GLIS1: variants seen among roughly 807,000 people sequenced by gnomAD.
GLIS1 encodes GLIS family zinc finger 1.
GLIS1 carries 24 observed loss-of-function variants against 63.8 expected under a neutral mutation model. The ratio of observed to expected loss-of-function variants is 0.38; its 90% CI spans 0.27 to 0.53. The LOEUF (loss-of-function observed/expected upper bound fraction) is 0.53, where lower values mean the gene tolerates loss of function less well. Ranked by LOEUF, GLIS1 falls within the 20% of genes least tolerant of loss-of-function variation. GLIS1 has a pLI of 0.85. For synonymous variants in GLIS1, 450 were observed against 482.5 expected (o/e 0.93, Z 0.88); for missense variants, 1,036 against 1,074.1 (o/e 0.96, Z 0.50).
At chr1:53,561,587 G>A (rs551506732) in intron 4 of GLIS1, among the ~76,000 whole-genome samples, 223 of 152,330 alleles carry the variant, frequency 1.5e-3, no homozygotes, top group Middle Eastern at 3.4e-3. Context: ...GGTTCCCAAG[G>A]TAAACAGCTG....
intron 4 of GLIS1, among the ~76,000 whole-genome samples, chr1:53,531,367 C>T (rs1022554335): frequency 3.3e-5 from 5 of 152,216 alleles, no homozygotes; most frequent in African/African-American, 4.8e-5. Context: ...CGAGGACTGG[C>T]GCTCCCAAAG....
At chr1:53,619,210 A>G (rs1645515541) in intron 2 of GLIS1, among the ~76,000 whole-genome samples, 1 of 152,086 alleles carries the variant, frequency 6.6e-6, no homozygotes, top group Non-Finnish European at 1.5e-5. Flanking sequence ...CAAAGAGAAC[A>G]CCCATCCACC....
intron 2 of GLIS1, among the ~76,000 whole-genome samples, chr1:53,728,163 C>T (rs1273973538): frequency 6.6e-6 from 1 of 152,076 alleles, no homozygotes; most frequent in East Asian, 1.9e-4. Context: ...AGAGTATGAG[C>T]AGGGCTATGG....
intron 4 of GLIS1, among the ~76,000 whole-genome samples, chr1:53,573,022 A>G (rs151283320): frequency 9.2e-5 from 14 of 152,256 alleles, no homozygotes; most frequent in African/African-American, 3.4e-4. Flanking sequence ...TGTGTTTTGT[A>G]TTTTTCTTTG....
At chr1:53,701,677 T>A (rs147642335) in intron 2 of GLIS1, among the ~76,000 whole-genome samples, 16 of 152,272 alleles carry the variant, frequency 1.1e-4, no homozygotes, top group Admixed American at 3.3e-4. Flanking sequence ...GAGACACTGC[T>A]GCAAATGCAC....
chr1:53,632,503 CTG>C (rs1452823418), intron 2 of GLIS1, among the ~76,000 whole-genome samples: 1 of 130,008 alleles, frequency 7.7e-6, no homozygotes, highest in Non-Finnish European at 1.6e-5. Context: ...ATGAGTGTGA[CTG>C]AGGGGTGTAA....
chr1:53,545,198 C>T (rs1644685512), intron 4 of GLIS1, among the ~76,000 whole-genome samples: 1 of 152,172 alleles, frequency 6.6e-6, no homozygotes, highest in African/African-American at 2.4e-5. Context: ...TATCACCCCT[C>T]CCAGGGCTGT....
intron 4 of GLIS1, among the ~76,000 whole-genome samples, chr1:53,569,316 GTCAA>G (rs1644962430): frequency 1.3e-5 from 2 of 152,200 alleles, no homozygotes; most frequent in African/African-American, 4.8e-5. Flanking sequence ...ATAATGATGT[GTCAA>G]TGTAGGTTCG....
intron 2 of GLIS1, among the ~76,000 whole-genome samples, chr1:53,668,199 G>A (rs1390664082): frequency 6.6e-6 from 1 of 152,218 alleles, no homozygotes; most frequent in Non-Finnish European, 1.5e-5. Flanking sequence ...GATTCATCCT[G>A]TGCATTATAT....
At chr1:53,521,736 C>A (rs1239851886) in intron 6 of GLIS1, among the ~76,000 whole-genome samples, 2 of 152,214 alleles carry the variant, frequency 1.3e-5, no homozygotes, top group African/African-American at 4.8e-5. Context: ...GTAACCCAAG[C>A]AAATCTTTGG....
rs546538879 is a variant in GLIS1 at position 53,572,669 on chromosome 1, A to G, written c.1320+21439T>C. Among the ~76,000 whole-genome samples the G allele has an allele frequency of 2.8e-4, 43 of 152,386 alleles. No individual in the cohort carries two copies. The South Asian group carries it at 5.2e-3, about 18-fold the overall frequency. On this transcript the variant is annotated intron_variant, in intron 4 of 10. Coordinates refer to ENST00000628545, the MANE Select transcript of GLIS1 (RefSeq NM_001367484.1). The stretch of plus-strand genomic sequence containing the variant: ...TCCAGGCCTTGGTGATTAATAACAC[A>G]GCCCAGTGCTGAGAGCTCTCAGAGA...
At chr1:53,693,171 T>A (rs1646426307) in intron 2 of GLIS1, among the ~76,000 whole-genome samples, 2 of 152,162 alleles carry the variant, frequency 1.3e-5, no homozygotes, top group Non-Finnish European at 2.9e-5. Flanking sequence ...TGTTTCATAA[T>A]TTAATCCTCC....
At position 53,627,133 on chromosome 1, in the gene GLIS1, C is replaced by T. The variant is rs560725724; in HGVS notation, c.260-26855G>A. Among the ~76,000 whole-genome samples the T allele has an allele frequency of 2.6e-5, 4 of 152,288 alleles. No homozygotes were observed. The South Asian group carries it at 8.3e-4, about 32-fold the overall frequency. The stretch of plus-strand genomic sequence containing the variant: ...AGCCCCAGTTAGCATGAATCTCGAA[C>T]AAGGCATTACCTGAATGGCCTGGGA... On this transcript the variant is annotated intron_variant, in intron 2 of 10. Coordinates refer to ENST00000628545, the MANE Select transcript of GLIS1 (RefSeq NM_001367484.1).
At chr1:53,699,067 A>AT (rs939702866) in intron 2 of GLIS1, among the ~76,000 whole-genome samples, 7 of 139,770 alleles carry the variant, frequency 5.0e-5, no homozygotes, top group East Asian at 2.1e-4. Context: ...TTTTATTTTT[A>AT]TTTTTATTTT....
At position 53,529,914 on chromosome 1, in the gene GLIS1, G is replaced by A. The variant is rs1482040587; in HGVS notation, c.1359C>T (p.Asn453=). The part of the protein sequence containing the change: ...GCSKAFSRLE[N]LKIHLRSHTG... ...TGTGGCTCCTCAGGTGGATCTTGAG[G>A]TTCTCCAGCCGTGAGAAGGCCTTGC... The change falls in exon 5 of 11, where the codon AAC becomes AAT. Residue 453 remains asparagine (N), a synonymous_variant. Transcript: ENST00000628545. 2.5e-6 allele frequency: 4 copies of A among 1,613,652 alleles called. No homozygotes were observed. Among genetic ancestry groups the A allele is most frequent in the African/African-American group, 1.3e-5 (1 of 74,892 alleles).
At chr1:53,615,639 C>G (rs1303377698) in intron 2 of GLIS1, among the ~76,000 whole-genome samples, 2 of 152,166 alleles carry the variant, frequency 1.3e-5, no homozygotes, top group Admixed American at 1.3e-4. Context: ...TAGTATGATT[C>G]CAAAATTCAA....
chr1:53,568,204 C>G (rs973100076), intron 4 of GLIS1, among the ~76,000 whole-genome samples: 6 of 152,214 alleles, frequency 3.9e-5, no homozygotes, highest in Non-Finnish European at 8.8e-5. Flanking sequence ...GACATGGAGT[C>G]AAAGGAGATT....
intron 2 of GLIS1, among the ~76,000 whole-genome samples, chr1:53,701,753 G>A (rs924151484): frequency 2.6e-5 from 4 of 152,180 alleles, no homozygotes; most frequent in East Asian, 3.8e-4. Flanking sequence ...AGCACTTTGG[G>A]GGGCCGAGGC....
chr1:53,697,711 G>A (rs544650577), intron 2 of GLIS1, among the ~76,000 whole-genome samples: 2 of 152,166 alleles, frequency 1.3e-5, no homozygotes, highest in East Asian at 1.9e-4. Flanking sequence ...TACTCGGTGC[G>A]GACACTGTCC....
Sources: allele counts gnomAD v4.1 joint callset (sites outside exome capture counted in the v4.1 genomes callset), GRCh38; gene constraint gnomAD v4.1.1; transcripts MANE v1.5; gene names NCBI Gene and HGNC (gene_info 2026-07-23, HGNC 2026-07-21).